The following OTOP1 variants were observed in gnomAD, a reference collection of about 807,000 sequenced individuals.
OTOP1 encodes the protein otopetrin 1.
OTOP1 carries 59 observed loss-of-function variants against 52.9 expected under a neutral mutation model. That is an observed-to-expected ratio of 1.12 (90% confidence interval 0.91 to 1.39). The LOEUF is 1.39. OTOP1 is among the 40% of genes most tolerant of loss of function. OTOP1 has a pLI of 0.00. For synonymous variants in OTOP1, 317 were observed against 337.7 expected, an observed-to-expected ratio of 0.94 and a Z score of 0.67; for missense variants, 761 against 800.9, an observed-to-expected ratio of 0.95 and a Z score of 0.60.
At chr4:4,196,886 C>T (rs563034904) in intron 5 of OTOP1, among the ~76,000 whole-genome samples, 287 of 152,244 alleles carry the variant, frequency 1.9e-3, no homozygotes, top group African/African-American at 6.8e-3. Flanking sequence ...ACCACATGTC[C>T]TCTCTTATAA....
intron 5 of OTOP1, among the ~76,000 whole-genome samples, chr4:4,194,265 C>CT (rs1180635505): frequency 1.3e-5 from 2 of 152,198 alleles, no homozygotes; most frequent in African/African-American, 4.8e-5. Flanking sequence ...AGAACTAGCT[C>CT]TGACTATAAG....
chr4:4,203,115 T>G (rs1716825562), intron 3 of OTOP1, among the ~76,000 whole-genome samples: 1 of 152,270 alleles, frequency 6.6e-6, no homozygotes. Flanking sequence ...ATGGCCATTC[T>G]GGCCAGTGAG....
chr4:4,197,911 G>A lies in OTOP1; in HGVS notation c.923C>T (p.Ser308Phe), dbSNP rs774113975. The A allele has an allele frequency of 6.8e-6, 11 of 1,614,020 alleles. No individual in the cohort carries two copies. Among genetic ancestry groups the A allele is most frequent in the Non-Finnish European group, 9.3e-6 (11 of 1,180,024 alleles). ...SHQHQKMQFK[S>F]DGVMVGAVLG... ...GACTGCGCCCACCATGACCCCATCA[G>A]ACTTGAACTGCATCTTCTGGTGCTG... Residue 308 changes from serine (S) to phenylalanine (F), a missense_variant, in exon 5 of 6, where the codon TCT (serine) becomes TTT (phenylalanine). Ser to Phe is a radical substitution (Grantham distance 155, BLOSUM62 -2). Coordinates refer to ENST00000296358, the MANE Select transcript of OTOP1 (RefSeq NM_177998.3).
chr4:4,206,113 C>T lies in OTOP1; in HGVS notation c.558G>A (p.Gly186=). Residue 186 remains glycine (G), a synonymous_variant, in exon 3 of 6, where the codon GGG becomes GGA. Coordinates refer to ENST00000296358, the MANE Select transcript of OTOP1 (RefSeq NM_177998.3). ...AAGACTGGATAATATCCTTTGCATG[C>T]CCCCAAAGAAAATATACCTAGATGG... ...HTLLQVYFLW[G]HAKDIIQSFK... 1 of 1,606,980 alleles carries T rather than the reference C, an allele frequency of 6.2e-7. No individual in the cohort carries two copies. The highest frequency in any genetic ancestry group is 1.3e-5 in the African/African-American group (1 of 74,846).
chr4:4,220,669 T>C (rs1451667326), intron 1 of OTOP1, among the ~76,000 whole-genome samples: 1 of 152,188 alleles, frequency 6.6e-6, no homozygotes, highest in African/African-American at 2.4e-5. Context: ...AGGGATGTTA[T>C]TATCATCACT....
rs1481312163 is a variant in OTOP1, at chr4:4,202,568, T to A, written c.610A>T (p.Ile204Phe). The A allele has an allele frequency of 6.2e-7, 1 of 1,613,932 alleles. No homozygotes were observed. The highest frequency in any genetic ancestry group is 1.1e-5 in the South Asian group (1 of 91,082). ...AGCAGGTTGGTGAACACCGAGTGGA[T>A]CACTCCAAACCTGAAAAACACAAGG... ...SFKTLERFGVIHSVFTNLLLW... is the reference protein window; with the variant it reads ...SFKTLERFGVFHSVFTNLLLW... The change falls in exon 4 of 6, where the codon ATC becomes TTC. Residue 204 changes from isoleucine (I) to phenylalanine (F), a missense_variant. By Grantham distance (21) the Ile-to-Phe change is conservative (BLOSUM62 0). Transcript: ENST00000296358.
At chr4:4,204,893 C>T (rs1380095137) in intron 3 of OTOP1, among the ~76,000 whole-genome samples, 1 of 152,084 alleles carries the variant, frequency 6.6e-6, no homozygotes, top group Non-Finnish European at 1.5e-5. Context: ...GCCTGAGCCT[C>T]CGGAGTAGCT....
chr4:4,195,749 T>C (rs549516387), intron 5 of OTOP1, among the ~76,000 whole-genome samples: 39 of 152,344 alleles, frequency 2.6e-4, no homozygotes, highest in Admixed American at 1.9e-3. Context: ...GCACTCCTGA[T>C]TGACAGTGGG....
In OTOP1 at chr4:4,226,627, A is replaced by G; in HGVS notation, c.238T>C (p.Trp80Arg). The change falls in exon 1 of 6, where the codon TGG becomes CGG. Residue 80 changes from tryptophan (W) to arginine (R), a missense_variant. By Grantham distance (101) the Trp-to-Arg change is moderately radical (BLOSUM62 -3). Transcript: ENST00000296358. The part of the protein sequence containing the change: ...FVAGLLLLLA[W>R]AVHAAGVSKS... ...CTCACGCCCGCGGCGTGCACGGCCC[A>G]GGCCAGCAGCAGCAGCAGCCCCGCC... 1.3e-6 allele frequency: 2 copies of G among 1,589,482 alleles called. No individual in the cohort carries two copies. Among genetic ancestry groups the G allele is most frequent in the Non-Finnish European group, 1.7e-6 (2 of 1,172,548 alleles).
intron 5 of OTOP1, among the ~76,000 whole-genome samples, chr4:4,194,735 C>T (rs1716584328): frequency 6.6e-6 from 1 of 152,216 alleles, no homozygotes; most frequent in African/African-American, 2.4e-5. Context: ...TGACTTCACC[C>T]AGAGTGATGG....
rs779783904 is a variant in OTOP1, at chr4:4,197,976, G to A, written c.858C>T (p.Tyr286=). Residue 286 remains tyrosine, a synonymous_variant, in exon 5 of 6, where the codon TAC becomes TAT. Transcript: ENST00000296358. ...EYQILASTML[Y]VLWKNIGRKV... Reference sequence around the variant, plus strand: ...TGCGCCCGATGTTCTTCCACAGGACGTAGAGCATTGTGGAGGCCAGGATCT... The same window carrying A: ...TGCGCCCGATGTTCTTCCACAGGACATAGAGCATTGTGGAGGCCAGGATCT... 18 of 1,613,968 alleles carry A rather than the reference G, an allele frequency of 1.1e-5. No individual in the cohort carries two copies. The highest frequency in any genetic ancestry group is 1.1e-4 in the African/African-American group (8 of 74,896).
chr4:4,215,558 G>C (rs995532613), intron 1 of OTOP1, among the ~76,000 whole-genome samples: 21 of 152,104 alleles, frequency 1.4e-4, no homozygotes, highest in African/African-American at 4.8e-4. Flanking sequence ...TACATGGGAG[G>C]CTGAGGCAGG....
At chr4:4,201,471 T>TATATATACAC in intron 4 of OTOP1, among the ~76,000 whole-genome samples, 1 of 140,856 alleles carries the variant, frequency 7.1e-6, no homozygotes, top group South Asian at 2.3e-4. Context: ...TATATATATA[T>TATATATACAC]ACACACACAC....
chr4:4,222,897 C>A lies in OTOP1; in HGVS notation c.403+3565G>T, dbSNP rs1717331605. Among the ~76,000 whole-genome samples, 4 of 152,174 alleles carry A rather than the reference C, an allele frequency of 2.6e-5. No individual in the cohort carries two copies. In the South Asian group the frequency reaches 8.3e-4, roughly 32 times the overall value. ...TTAGCTTCTTGCTTCTTTGAGGAAC[C>A]CACAGGAATGGCCAGGGCTTTGCAA... On this transcript the variant is annotated intron_variant, in intron 1 of 5. Transcript: ENST00000296358.
intron 5 of OTOP1, among the ~76,000 whole-genome samples, chr4:4,190,711 C>T (rs1446952718): frequency 1.3e-5 from 2 of 152,118 alleles, no homozygotes; most frequent in South Asian, 2.1e-4. Context: ...AGCATCTGTG[C>T]ATTTGGTATC....
intron 1 of OTOP1, among the ~76,000 whole-genome samples, chr4:4,219,463 A>G (rs967421092): frequency 6.6e-6 from 1 of 151,908 alleles, no homozygotes; most frequent in African/African-American, 2.4e-5. Flanking sequence ...GCACTTTGGG[A>G]GGCCGAGGCG....
rs73191872 is a variant in OTOP1 at position 4,226,729 on chromosome 4, G to A, written c.136C>T (p.Arg46Trp). 4.3e-6 allele frequency: 6 copies of A among 1,390,508 alleles called. No homozygotes were observed. The highest frequency in any genetic ancestry group is 5.6e-6 in the Non-Finnish European group (6 of 1,070,734). The allele number at this position is 1,390,508 out of a possible 1,614,324, so 86.1% of individuals were successfully genotyped here. Residue 46 changes from arginine to tryptophan, a missense_variant, in exon 1 of 6, where the codon CGG becomes TGG. Around this residue, in one of 3 missense-constraint regions of OTOP1, gnomAD observed 73 missense variants for 75.7 expected, o/e 0.96. Transcript: ENST00000296358. The stretch of plus-strand genomic sequence containing the variant: ...GGGACGCTGGCGCGCACACCGCCCC[G>A]CCGGGGGGCCGGGGATTCCGGGGAC... Reference protein sequence around the residue: ...PRSPESPAPRRGGVRASVPQK... With the variant: ...PRSPESPAPRWGGVRASVPQK...
At chr4:4,189,970 G>C (rs1257453440) in intron 5 of OTOP1, among the ~76,000 whole-genome samples, 1 of 152,248 alleles carries the variant, frequency 6.6e-6, no homozygotes, top group Admixed American at 6.5e-5. Context: ...TAAAACTGTA[G>C]TTGGATTCAT....
chr4:4,222,754 G>A (rs951836724), intron 1 of OTOP1, among the ~76,000 whole-genome samples: 1 of 152,144 alleles, frequency 6.6e-6, no homozygotes, highest in African/African-American at 2.4e-5. Context: ...GAACACCAGG[G>A]CAGAGCTGAG....
Sources: allele counts gnomAD v4.1 joint callset (sites outside exome capture counted in the v4.1 genomes callset), GRCh38; gene constraint gnomAD v4.1.1; regional missense constraint gnomAD v4.1.1; transcripts MANE v1.5; gene names NCBI Gene and HGNC (gene_info 2026-07-23, HGNC 2026-07-21).